Variants in KCNB2 observed in about 807,000 individuals in gnomAD.
KCNB2 encodes the protein potassium voltage-gated channel subfamily B member 2, also known as delayed rectifier potassium channel protein.
Under a neutral mutation model 61.5 loss-of-function variants are expected in KCNB2, and 15 were observed. The ratio of observed to expected loss-of-function variants is 0.24; its 90% CI spans 0.16 to 0.38. The LOEUF (loss-of-function observed/expected upper bound fraction) is 0.38. Among genes scored for constraint, KCNB2 ranks in the 10% least tolerant of loss-of-function variants. The probability of loss-of-function intolerance (pLI) is 1.00; values close to 1 mark genes in which losing one functional copy is unlikely to be tolerated. For synonymous variants in KCNB2, 457 were observed against 446.0 expected (o/e 1.02, Z -0.31); for missense variants, 828 against 1,125.2 (o/e 0.74, Z 3.78).
At chr8:72,779,386 A>G (rs1403465562) in intron 2 of KCNB2, among the ~76,000 whole-genome samples, 7 of 152,204 alleles carry the variant, frequency 4.6e-5, no homozygotes, top group Non-Finnish European at 2.9e-5. Flanking sequence ...GCTTCAACAC[A>G]GAATATTCCT....
At chr8:72,667,830 G>A (rs971223922) in intron 2 of KCNB2, among the ~76,000 whole-genome samples, 7 of 152,114 alleles carry the variant, frequency 4.6e-5, no homozygotes, top group Middle Eastern at 3.2e-3. Context: ...CCCATTTAAC[G>A]GAGTCTTGTT....
chr8:72,711,509 G>A (rs1437485880), intron 2 of KCNB2, among the ~76,000 whole-genome samples: 8 of 152,176 alleles, frequency 5.3e-5, no homozygotes, highest in African/African-American at 1.9e-4. Context: ...GAGCATATAG[G>A]AGGGAAACCC....
At chr8:72,770,111 TA>T (rs563280246) in intron 2 of KCNB2, among the ~76,000 whole-genome samples, 3 of 152,208 alleles carry the variant, frequency 2.0e-5, no homozygotes, top group Non-Finnish European at 4.4e-5. Context: ...CCCTTCAAAC[TA>T]TAGGAGCACC....
At chr8:72,711,265 C>T (rs1289523350) in intron 2 of KCNB2, among the ~76,000 whole-genome samples, 1 of 152,206 alleles carries the variant, frequency 6.6e-6, no homozygotes, top group Non-Finnish European at 1.5e-5. Flanking sequence ...CAACCATGGG[C>T]AGGCCAGGAA....
chr8:72,571,072 A>T (rs1040385414), intron 2 of KCNB2, among the ~76,000 whole-genome samples: 1 of 152,238 alleles, frequency 6.6e-6, no homozygotes, highest in African/African-American at 2.4e-5. Flanking sequence ...AAAGTATAAA[A>T]GCTATTAAGA....
chr8:72,895,717 C>A (rs1051560598), intron 2 of KCNB2, among the ~76,000 whole-genome samples: 14 of 152,080 alleles, frequency 9.2e-5, no homozygotes, highest in African/African-American at 3.4e-4. Context: ...ATAAAAGAGG[C>A]AAATCTTTGT....
chr8:72,586,459 G>T (rs1323217826), intron 2 of KCNB2, among the ~76,000 whole-genome samples: 2 of 152,158 alleles, frequency 1.3e-5, no homozygotes, highest in Non-Finnish European at 2.9e-5. Context: ...TGTAATTCCT[G>T]CACTTAGTCA....
At chr8:72,659,260 T>C (rs1806342000) in intron 2 of KCNB2, among the ~76,000 whole-genome samples, 1 of 152,112 alleles carries the variant, frequency 6.6e-6, no homozygotes, top group Admixed American at 6.5e-5. Flanking sequence ...GTGGAGGAAG[T>C]GACTGCAAAT....
In KCNB2 at chr8:72,909,410, G is replaced by T. The variant is rs570499286; in HGVS notation, c.580-26525G>T. ...GAAGGGAGAGGGATTCTGGAGCATG[G>T]TGTGGAGGAGAGGAGCGGCAGGAAG... On this transcript the variant is annotated intron_variant, in intron 2 of 2. Coordinates refer to ENST00000523207, the MANE Select transcript of KCNB2 (RefSeq NM_004770.3). Among the ~76,000 whole-genome samples the T allele has an allele frequency of 9.2e-5, 14 of 152,260 alleles. No homozygotes were observed. In the South Asian group the frequency reaches 1.5e-3, roughly 16 times the overall value.
intron 2 of KCNB2, among the ~76,000 whole-genome samples, chr8:72,630,989 C>T (rs1805869548): frequency 6.6e-6 from 1 of 152,024 alleles, no homozygotes; most frequent in South Asian, 2.1e-4. Context: ...AGTACTGAAC[C>T]CTGTATACAG....
chr8:72,832,684 C>T (rs191968792), intron 2 of KCNB2, among the ~76,000 whole-genome samples: 114 of 152,230 alleles, frequency 7.5e-4, no homozygotes, highest in African/African-American at 2.6e-3. Context: ...AAGACGGAGC[C>T]CCTGAGTCAG....
intron 2 of KCNB2, among the ~76,000 whole-genome samples, chr8:72,715,757 G>A (rs992704960): frequency 9.4e-4 from 143 of 152,172 alleles, no homozygotes; most frequent in African/African-American, 3.1e-3. Context: ...AAGAACTAGA[G>A]AAGCAAGAGC....
intron 2 of KCNB2, among the ~76,000 whole-genome samples, chr8:72,655,126 T>C (rs1012258928): frequency 3.3e-5 from 5 of 152,136 alleles, no homozygotes; most frequent in African/African-American, 1.2e-4. Context: ...TAAAAAAGCA[T>C]GAGATCACGT....
intron 2 of KCNB2, among the ~76,000 whole-genome samples, chr8:72,660,090 G>T (rs1246045852): frequency 6.6e-6 from 1 of 152,160 alleles, no homozygotes; most frequent in Non-Finnish European, 1.5e-5. Context: ...TGGATCCATT[G>T]TATAATCACT....
intron 2 of KCNB2, among the ~76,000 whole-genome samples, chr8:72,720,709 T>C (rs1807534478): frequency 6.6e-6 from 1 of 152,182 alleles, no homozygotes; most frequent in African/African-American, 2.4e-5. Context: ...TGATAAAAAC[T>C]AGTTGAATGA....
intron 1 of KCNB2, among the ~76,000 whole-genome samples, chr8:72,557,826 A>G (rs975060022): frequency 2.0e-5 from 3 of 152,182 alleles, no homozygotes; most frequent in Non-Finnish European, 4.4e-5. Context: ...AACAATAATT[A>G]CTAGAGAGTT....
intron 2 of KCNB2, among the ~76,000 whole-genome samples, chr8:72,632,551 C>T (rs1013810334): frequency 6.6e-6 from 1 of 152,116 alleles, no homozygotes; most frequent in African/African-American, 2.4e-5. Flanking sequence ...CTGCTGCTCC[C>T]GAATGACACA....
At chr8:72,831,875 T>C (rs1809703915) in intron 2 of KCNB2, among the ~76,000 whole-genome samples, 1 of 152,262 alleles carries the variant, frequency 6.6e-6, no homozygotes, top group Non-Finnish European at 1.5e-5. Flanking sequence ...CATATTATAC[T>C]TGATCTTAGC....
At chr8:72,897,601 G>A (rs962622984) in intron 2 of KCNB2, among the ~76,000 whole-genome samples, 15 of 152,096 alleles carry the variant, frequency 9.9e-5, no homozygotes, top group Non-Finnish European at 2.1e-4. Flanking sequence ...TGACCAGAAC[G>A]ATACAGCCAT....
Sources: allele counts gnomAD v4.1 joint callset (sites outside exome capture counted in the v4.1 genomes callset), GRCh38; gene constraint gnomAD v4.1.1; transcripts MANE v1.5; gene names NCBI Gene and HGNC (gene_info 2026-07-23, HGNC 2026-07-21).